BEND3: variants seen among roughly 807,000 people sequenced by gnomAD.
BEND3 encodes BEN domain-containing protein 3.
Under a neutral mutation model 60.1 loss-of-function variants are expected in BEND3, and 13 were observed. The observed-to-expected ratio is 0.22, with a 90% CI of 0.14 to 0.34. The LOEUF (loss-of-function observed/expected upper bound fraction) is 0.34, where lower values mean the gene tolerates loss of function less well. BEND3 is among the 10% of genes least tolerant of loss of function. BEND3 has a pLI of 1.00. For synonymous variants in BEND3, 497 were observed against 491.5 expected (o/e 1.01, Z -0.15); for missense variants, 896 against 1,138.1 (o/e 0.79, Z 3.06).
chr6:107,108,499 G>A (rs1410537109), intron 1 of BEND3, among the ~76,000 whole-genome samples: 3 of 152,180 alleles, frequency 2.0e-5, no homozygotes, highest in African/African-American at 7.2e-5. Context: ...GGAGGTATAA[G>A]CTGAGTTTCC....
intron 1 of BEND3, among the ~76,000 whole-genome samples, chr6:107,113,437 C>CAAAAAAAAAAAAA (rs1158122732): frequency 7.6e-5 from 1 of 13,072 alleles, no homozygotes; most frequent in African/African-American, 2.2e-4. Flanking sequence ...GACTCCGTCT[C>CAAAAAAAAAAAAA]AAAAAAAAAA....
intron 3 of BEND3, among the ~76,000 whole-genome samples, chr6:107,087,812 TTTA>T (rs1775387023): frequency 2.0e-5 from 3 of 149,580 alleles, no homozygotes; most frequent in African/African-American, 7.4e-5. Context: ...TTTTTTTTTT[TTTA>T]GAGACAGGGT....
At position 107,089,870 on chromosome 6, in the gene BEND3, C is replaced by T. The variant is rs1328144036; in HGVS notation, c.240+8681G>A. The stretch of plus-strand genomic sequence containing the variant: ...TCAGCCTCCCAAAGTGCTGGGATTA[C>T]AGGCGTGAGCCACTGCGCCTGGCCA... On this transcript the variant is annotated intron_variant, in intron 3 of 3. Coordinates refer to ENST00000369042, the MANE Select transcript of BEND3 (RefSeq NM_001367314.1). Among the ~76,000 whole-genome samples the T allele has an allele frequency of 2.0e-5, 3 of 151,176 alleles. No homozygotes were observed. In the East Asian group the frequency reaches 6.2e-4, roughly 31 times the overall value.
chr6:107,075,491 A>G (rs1327968504), intron 3 of BEND3, among the ~76,000 whole-genome samples: 1 of 152,192 alleles, frequency 6.6e-6, no homozygotes, highest in Admixed American at 6.5e-5. Context: ...GTAGAATGTA[A>G]AGTAAAATTT....
chr6:107,107,556 G>C (rs1775845752), intron 1 of BEND3, among the ~76,000 whole-genome samples: 1 of 152,000 alleles, frequency 6.6e-6, no homozygotes, highest in Non-Finnish European at 1.5e-5. Context: ...TTTGCCTCCT[G>C]GGTTCAAGCG....
chr6:107,105,804 G>A (rs1775801550), intron 1 of BEND3, among the ~76,000 whole-genome samples: 1 of 152,156 alleles, frequency 6.6e-6, no homozygotes, highest in African/African-American at 2.4e-5. Context: ...GGAAGACCTG[G>A]CCCCAGCAGC....
At chr6:107,087,036 A>G (rs112404321) in intron 3 of BEND3, among the ~76,000 whole-genome samples, 160 of 150,338 alleles carry the variant, frequency 1.1e-3, no homozygotes, top group Middle Eastern at 6.8e-3. Context: ...AAAAAAAAAA[A>G]AAAAAGAAAA....
intron 3 of BEND3, among the ~76,000 whole-genome samples, chr6:107,091,821 C>A (rs1554235257): frequency 6.6e-6 from 1 of 152,138 alleles, no homozygotes; most frequent in Non-Finnish European, 1.5e-5. Flanking sequence ...TACCTTAATA[C>A]CAAAACCAGA....
At position 107,069,588 on chromosome 6, in the gene BEND3, C is replaced by T. The variant is rs781840667; in HGVS notation, c.1603G>A (p.Asp535Asn). ...TGGGGGATCTCTAACTTGTCGAAGT[C>T]GATGGGCACCAGCCAGATCTTCTTG... ...RSKKIWLVPI[D>N]FDKLEIPQPD... The change falls in exon 4 of 4, where the codon GAC (aspartate) becomes AAC (asparagine). Residue 535 changes from aspartate (D) to asparagine (N), a missense_variant. Transcript: ENST00000369042. 1.9e-6 allele frequency: 3 copies of T among 1,612,758 alleles called. No individual in the cohort carries two copies. The highest frequency in any genetic ancestry group is 1.6e-4 in the Middle Eastern group (1 of 6,062).
intron 3 of BEND3, among the ~76,000 whole-genome samples, chr6:107,093,383 C>G (rs1554235502): frequency 6.6e-6 from 1 of 151,966 alleles, no homozygotes; most frequent in Non-Finnish European, 1.5e-5. Context: ...ATGGTGTGAA[C>G]CCGGGAGGCG....
At chr6:107,075,122 AGGC>A (rs1554232611) in intron 3 of BEND3, among the ~76,000 whole-genome samples, 2 of 150,608 alleles carry the variant, frequency 1.3e-5, no homozygotes, top group Non-Finnish European at 3.0e-5. Context: ...GCCACTAGGG[AGGC>A]TTAGGTGGGA....
At chr6:107,086,472 G>A (rs537126755) in intron 3 of BEND3, among the ~76,000 whole-genome samples, 34 of 151,696 alleles carry the variant, frequency 2.2e-4, no homozygotes, top group East Asian at 2.0e-3. Context: ...ACAATTAGCC[G>A]TGCATGGTGG....
intron 3 of BEND3, among the ~76,000 whole-genome samples, chr6:107,075,791 T>G (rs1775088849): frequency 6.6e-6 from 1 of 152,002 alleles, no homozygotes; most frequent in South Asian, 2.1e-4. Context: ...AGGGGAGAAA[T>G]GAGTACAGGG....
chr6:107,107,091 C>G (rs1329770876), intron 1 of BEND3, among the ~76,000 whole-genome samples: 1 of 152,096 alleles, frequency 6.6e-6, no homozygotes, highest in Non-Finnish European at 1.5e-5. Context: ...CATGCACCAC[C>G]ACATCCGGCT....
Position 107,069,727 on chromosome 6 carries a change from G to A in BEND3, c.1464C>T (p.Gly488=). The change falls in exon 4 of 4, where the codon GGC becomes GGT. Residue 488 remains glycine, a synonymous_variant. Coordinates refer to ENST00000369042, the MANE Select transcript of BEND3 (RefSeq NM_001367314.1). The part of the protein sequence containing the change: ...DELEGLGLDA[G]SEGDPPRDDC... ...CATCACGCGGGGGGTCGCCTTCACT[G>A]CCCGCGTCCAGCCCCAGGCCCTCGA... 3 of 1,611,214 alleles carry A rather than the reference G, an allele frequency of 1.9e-6. No individual in the cohort carries two copies. Among genetic ancestry groups the A allele is most frequent in the Admixed American group, 1.7e-5 (1 of 60,012 alleles).
At chr6:107,112,336 C>T (rs781956383) in intron 1 of BEND3, among the ~76,000 whole-genome samples, 14 of 152,148 alleles carry the variant, frequency 9.2e-5, no homozygotes, top group Non-Finnish European at 8.8e-5. Flanking sequence ...TCTGCTCACA[C>T]AGGGGTGCTT....
At chr6:107,104,004 AG>A in intron 1 of BEND3, among the ~76,000 whole-genome samples, 1 of 151,776 alleles carries the variant, frequency 6.6e-6, no homozygotes, top group Admixed American at 6.6e-5. Flanking sequence ...CAAAGAAAAA[AG>A]AGAAGGCCGG....
intron 1 of BEND3, among the ~76,000 whole-genome samples, chr6:107,114,738 G>T (rs2115046549): frequency 6.9e-6 from 1 of 145,942 alleles, no homozygotes; most frequent in South Asian, 2.1e-4. Context: ...GAGTGGGGCG[G>T]GCGGCGGCGG....
chr6:107,099,329 T>C, intron 1 of BEND3, 33 bp from the exon 2 acceptor site: 1 of 1,565,628 alleles, frequency 6.4e-7, no homozygotes, highest in Non-Finnish European at 8.8e-7. Context: ...TGTGTTGACT[T>C]ATTGCTTGAT....
Sources: allele counts gnomAD v4.1 joint callset (sites outside exome capture counted in the v4.1 genomes callset), GRCh38; gene constraint gnomAD v4.1.1; transcripts MANE v1.5; gene names NCBI Gene and HGNC (gene_info 2026-07-23, HGNC 2026-07-21).